The following CLIP3 variants were observed in gnomAD, a reference collection of about 807,000 sequenced individuals.
CLIP3 encodes CAP-Gly domain containing linker protein 3.
Under a neutral mutation model 59.4 loss-of-function variants are expected in CLIP3, and 15 were observed. The ratio of observed to expected loss-of-function variants is 0.25; its 90% CI spans 0.17 to 0.39. The LOEUF (loss-of-function observed/expected upper bound fraction) is 0.39. Among genes scored for constraint, CLIP3 ranks in the 10% least tolerant of loss-of-function variants. CLIP3 has a pLI of 1.00. For synonymous variants in CLIP3, 300 were observed against 321.6 expected (o/e 0.93, Z 0.72); for missense variants, 495 against 765.7 (o/e 0.65, Z 4.17).
In CLIP3 at chr19:36,026,445, G is replaced by T; in HGVS notation, c.562+141C>A. 8.1e-7 allele frequency: 1 copy of T among 1,236,024 alleles called. No homozygotes were observed. Among genetic ancestry groups the T allele is most frequent in the East Asian group, 2.5e-5 (1 of 39,336 alleles). The allele number at this position is 1,236,024 out of a possible 1,614,324, so 76.6% of individuals were successfully genotyped here. ...GACCCTCCCTAGAGTGGTAGTCCCT[G>T]AGCCCCCTCTCCCACGCCTCCAACC... On this transcript the variant is annotated intron_variant, in intron 5 of 13. Coordinates refer to ENST00000360535, the MANE Select transcript of CLIP3 (RefSeq NM_015526.3). The surrounding 1 kb of genome is among the most constrained non-coding windows in gnomAD (Gnocchi z 6.3).
intron 2 of CLIP3, among the ~76,000 whole-genome samples, chr19:36,028,111 C>T (rs1000496667): frequency 1.3e-5 from 2 of 151,762 alleles, no homozygotes; most frequent in African/African-American, 2.4e-5. Flanking sequence ...CCGGGGCGGG[C>T]GGATCACCTC....
chr19:36,016,344 T>C lies in CLIP3; in HGVS notation c.1590-132A>G. On this transcript the variant is annotated intron_variant, in intron 13 of 13. Coordinates refer to ENST00000360535, the MANE Select transcript of CLIP3 (RefSeq NM_015526.3). The surrounding 1 kb of genome is among the most constrained non-coding windows in gnomAD (Gnocchi z 4.1). ...TCTGCCTCTACCTCTCTGGCTGTGG[T>C]TTGTTTGTTTGTTTGTTTTCTGAGA... is the stretch of plus-strand genomic sequence containing the variant. The C allele has an allele frequency of 1.1e-6, 1 of 942,178 alleles. No homozygotes were observed. The highest frequency in any genetic ancestry group is 1.4e-5 in the South Asian group (1 of 69,178). The allele number at this position is 942,178 out of a possible 1,614,324, so 58.4% of individuals were successfully genotyped here.
At chr19:36,027,305 C>T in intron 2 of CLIP3, 34 bp from the exon 3 acceptor site, 1 of 1,559,834 alleles carries the variant, frequency 6.4e-7, no homozygotes, top group Non-Finnish European at 8.7e-7. Context: ...TCACCCCACG[C>T]AACTGACCCC....
intron 7 of CLIP3, among the ~76,000 whole-genome samples, chr19:36,023,649 TC>T (rs938247477): frequency 2.6e-5 from 4 of 151,056 alleles, no homozygotes; most frequent in African/African-American, 7.3e-5. Context: ...CAAGTGATCC[TC>T]CCACCTCGGC....
In CLIP3 at chr19:36,023,675, G is replaced by A. The variant is rs144310053; in HGVS notation, c.918+721C>T. Reference sequence around the variant, plus strand: ...CCCACCTCGGCCTCCCAAAATGCCGGGATTAGAGGTGTGAACTACCGTGCC... The same window carrying A: ...CCCACCTCGGCCTCCCAAAATGCCGAGATTAGAGGTGTGAACTACCGTGCC... On this transcript the variant is annotated intron_variant, in intron 7 of 13. Coordinates refer to ENST00000360535, the MANE Select transcript of CLIP3 (RefSeq NM_015526.3). 6.8e-4 allele frequency among the ~76,000 whole-genome samples: 103 copies of A among 151,924 alleles called. 2 individuals carry two copies. Among genetic ancestry groups the A allele is most frequent in the African/African-American group, 2.3e-3 (97 of 41,410 alleles).
intron 2 of CLIP3, among the ~76,000 whole-genome samples, chr19:36,028,716 G>A (rs367691163): frequency 1.3e-5 from 2 of 151,958 alleles, no homozygotes; most frequent in African/African-American, 2.4e-5. Flanking sequence ...TCTTCCCCAC[G>A]GCCCTCAGGG....
rs1380896741 is a variant in CLIP3 at position 36,015,241 on chromosome 19, G to A, written c.*917C>T. ...GGGGGTCCTAGGAGTTACGGCATTG[G>A]GGTCTTCTAGGGGCTGTAGGACTTG... is the stretch of plus-strand genomic sequence containing the variant. On this transcript the variant is annotated 3_prime_UTR_variant, in exon 14 of 14. Transcript: ENST00000360535. 1 of 152,256 alleles carries A rather than the reference G, an allele frequency of 6.6e-6. No individual in the cohort carries two copies. The highest frequency in any genetic ancestry group is 1.5e-5 in the Non-Finnish European group (1 of 68,018). The allele number at this position is 152,256 out of a possible 1,614,324, so 9.4% of individuals were successfully genotyped here. A position where few individuals can be genotyped will look rare whatever the true frequency, so the allele number is the denominator to read the frequency against.
intron 7 of CLIP3, 128 bp from the exon 8 acceptor site, chr19:36,019,434 C>T (rs1185171159): frequency 1.3e-5 from 14 of 1,114,506 alleles, no homozygotes; most frequent in Non-Finnish European, 1.7e-5. Flanking sequence ...CACACATCAC[C>T]ATTTGCTGGC....
intron 2 of CLIP3, among the ~76,000 whole-genome samples, chr19:36,031,008 C>CTTTTTTTTTTTTTTCTTTTTTTTTTTTT (rs1196286069): frequency 6.4e-5 from 5 of 77,834 alleles, no homozygotes; most frequent in Non-Finnish European, 7.0e-5. Flanking sequence ...TTTTTCTTTT[C>CTTTTTTTTTTTTTTCTTTTTTTTTTTTT]TTTTTTTTTT....
At chr19:36,019,601 T>TA (rs74740358) in intron 7 of CLIP3, among the ~76,000 whole-genome samples, 17 of 128,892 alleles carry the variant, frequency 1.3e-4, no homozygotes, top group African/African-American at 4.5e-4. Flanking sequence ...TTTATTTATT[T>TA]TATTTATTTT....
rs369078894 is a variant in CLIP3 at position 36,027,313 on chromosome 19, C to A, written c.167-42G>T. ...TCCAAGGTCACCCCACGCAACTGAC[C>A]CCCTCCTTCCAGCCTCAGTAGGGGA... On this transcript the variant is annotated intron_variant, in intron 2 of 13. Coordinates refer to ENST00000360535, the MANE Select transcript of CLIP3 (RefSeq NM_015526.3). 2.0e-4 allele frequency: 313 copies of A among 1,550,738 alleles called. 1 individual carries two copies. Among genetic ancestry groups the A allele is most frequent in the African/African-American group, 2.0e-3 (143 of 73,204 alleles).
At chr19:36,031,023 C>CTTTTTTTTTTTTTTT (rs55762943) in intron 2 of CLIP3, among the ~76,000 whole-genome samples, 98 of 80,182 alleles carry the variant, frequency 1.2e-3, no homozygotes, top group Non-Finnish European at 1.6e-3. Context: ...TTTTTTTTTT[C>CTTTTTTTTTTTTTTT]TTTTTTTTTT....
chr19:36,030,454 T>C (rs1448828586), intron 2 of CLIP3, among the ~76,000 whole-genome samples: 2 of 152,198 alleles, frequency 1.3e-5, no homozygotes, highest in African/African-American at 4.8e-5. Context: ...TGCTCTATCC[T>C]GGCAACGCTG....
intron 11 of CLIP3, 97 bp downstream of exon 11, chr19:36,017,558 T>C (rs1235590289): frequency 6.3e-7 from 1 of 1,598,672 alleles, no homozygotes; most frequent in Non-Finnish European, 8.6e-7. Flanking sequence ...CTCGGGGGTG[T>C]CCACACTGTC....
chr19:36,025,180 G>T (rs150114127), intron 6 of CLIP3, among the ~76,000 whole-genome samples: 7 of 152,244 alleles, frequency 4.6e-5, no homozygotes, highest in African/African-American at 1.7e-4. Context: ...TGGGCCTGGG[G>T]GTGTAGGCAG....
intron 2 of CLIP3, among the ~76,000 whole-genome samples, chr19:36,027,522 T>A (rs1176540374): frequency 6.6e-6 from 1 of 152,138 alleles, no homozygotes. Context: ...AATTCCCATA[T>A]AGCAGCAAAC....
At chr19:36,027,344 A>G (rs1969141718) in intron 2 of CLIP3, 73 bp from the exon 3 acceptor site, 2 of 1,499,800 alleles carry the variant, frequency 1.3e-6, no homozygotes, top group Non-Finnish European at 1.8e-6. Flanking sequence ...GGGGAGCTGT[A>G]GGTCTTTGCC....
intron 2 of CLIP3, among the ~76,000 whole-genome samples, chr19:36,031,749 AATTACAT>A (rs1184544828): frequency 6.6e-6 from 1 of 152,214 alleles, no homozygotes; most frequent in Non-Finnish European, 1.5e-5. Flanking sequence ...AATGTCTTGT[AATTACAT>A]ATTTATATTA....
chr19:36,029,868 T>C (rs1043805263), intron 2 of CLIP3, among the ~76,000 whole-genome samples: 6 of 152,064 alleles, frequency 3.9e-5, no homozygotes, highest in Non-Finnish European at 7.4e-5. Flanking sequence ...CATTTCCAGA[T>C]TTCTTCACAT....
Sources: allele counts gnomAD v4.1 joint callset (sites outside exome capture counted in the v4.1 genomes callset), GRCh38; gene constraint gnomAD v4.1.1; non-coding constraint Gnocchi (gnomAD v3.1); transcripts MANE v1.5; gene names NCBI Gene and HGNC (gene_info 2026-07-23, HGNC 2026-07-21).